TUNAR: variants seen among roughly 807,000 people sequenced by gnomAD.
The protein encoded by TUNAR is protein TUNAR.
chr14:95,884,218 T>C (rs865879962), intron 2 of TUNAR, among the ~76,000 whole-genome samples: 1 of 152,174 alleles, frequency 6.6e-6, no homozygotes, highest in African/African-American at 2.4e-5. Flanking sequence ...AGAGCTTCAG[T>C]GCCCCCTGTG....
intron 2 of TUNAR, among the ~76,000 whole-genome samples, chr14:95,904,170 T>C (rs1187642200): frequency 6.6e-6 from 1 of 152,178 alleles, no homozygotes; most frequent in East Asian, 1.9e-4. Flanking sequence ...TTCTGCTAGG[T>C]CCCTCAGCAT....
intron 2 of TUNAR, among the ~76,000 whole-genome samples, chr14:95,903,168 T>C (rs1382254384): frequency 6.6e-6 from 1 of 152,186 alleles, no homozygotes; most frequent in South Asian, 2.1e-4. Context: ...TCTCACACCC[T>C]GAGGAAAGGG....
chr14:95,922,532 C>G (rs1410443145), intron 2 of TUNAR, among the ~76,000 whole-genome samples: 5 of 152,156 alleles, frequency 3.3e-5, no homozygotes, highest in Non-Finnish European at 5.9e-5. Context: ...TGGGTGATGC[C>G]CGGGTAGACT....
chr14:95,888,912 G>T (rs984974594), intron 2 of TUNAR, among the ~76,000 whole-genome samples: 1 of 152,182 alleles, frequency 6.6e-6, no homozygotes, highest in East Asian at 1.9e-4. Flanking sequence ...AAGGTAGACC[G>T]TTGCAAGGCA....
intron 2 of TUNAR, among the ~76,000 whole-genome samples, chr14:95,904,482 G>A (rs960618583): frequency 6.6e-6 from 1 of 152,202 alleles, no homozygotes; most frequent in South Asian, 2.1e-4. Context: ...CCAGGCAGGT[G>A]CAGGGCAGAC....
At chr14:95,909,782 G>A (rs1889484401) in intron 2 of TUNAR, among the ~76,000 whole-genome samples, 2 of 152,340 alleles carry the variant, frequency 1.3e-5, no homozygotes, top group Admixed American at 6.5e-5. Context: ...TTCCAAAGGA[G>A]CTCAGTTTAG....
intron 2 of TUNAR, among the ~76,000 whole-genome samples, chr14:95,898,675 G>A (rs536483679): frequency 1.3e-5 from 2 of 151,892 alleles, no homozygotes; most frequent in Non-Finnish European, 2.9e-5. Flanking sequence ...TAACCTCTGA[G>A]AGCTTTTTCT....
chr14:95,892,826 G>A (rs375702981), intron 2 of TUNAR, among the ~76,000 whole-genome samples: 71 of 152,266 alleles, frequency 4.7e-4, no homozygotes, highest in African/African-American at 1.6e-3. Flanking sequence ...TGAAATGCCC[G>A]CAGCTCTCAT....
exon 3 of TUNAR, chr14:95,924,377 A>C (rs573959641): frequency 6.6e-6 from 1 of 152,258 alleles, no homozygotes; most frequent in East Asian, 1.9e-4. Context: ...GTTGCATAAA[A>C]ACAAATTAGC....
chr14:95,890,077 T>G (rs1189705161), intron 2 of TUNAR, among the ~76,000 whole-genome samples: 1 of 152,088 alleles, frequency 6.6e-6, no homozygotes, highest in Non-Finnish European at 1.5e-5. Context: ...ACAGGCGCAG[T>G]CACTGCACAC....
chr14:95,912,988 TCACCCTGTTAG>T (rs1439958212), intron 2 of TUNAR, among the ~76,000 whole-genome samples: 84 of 152,236 alleles, frequency 5.5e-4, no homozygotes, highest in African/African-American at 1.9e-3. Context: ...AGATGGGGTT[TCACCCTGTTAG>T]CCAGGACGGT....
intron 2 of TUNAR, among the ~76,000 whole-genome samples, chr14:95,908,849 T>A (rs987069241): frequency 6.6e-5 from 10 of 152,118 alleles, no homozygotes; most frequent in African/African-American, 1.9e-4. Context: ...GGAACCCAAA[T>A]CCCTGGGTCC....
intron 2 of TUNAR, 130 bp downstream of exon 1, chr14:95,877,307 C>T (rs1258031665): frequency 6.6e-6 from 1 of 152,394 alleles, no homozygotes; most frequent in Admixed American, 6.5e-5. Context: ...TTGAATCGTT[C>T]AATTTCCCCT....
chr14:95,923,465 T>A (rs76433196), exon 3 of TUNAR: 2 of 152,518 alleles, frequency 1.3e-5, no homozygotes, highest in African/African-American at 4.8e-5. Flanking sequence ...TATTTGATAC[T>A]GGGGAGATAA....
chr14:95,923,756 C>T (rs1889738381), exon 3 of TUNAR: 1 of 152,114 alleles, frequency 6.6e-6, no homozygotes. Context: ...CCTCTTTGGT[C>T]TGAAGGACAT....
chr14:95,892,419 T>C (rs1889194823), intron 2 of TUNAR, among the ~76,000 whole-genome samples: 1 of 152,230 alleles, frequency 6.6e-6, no homozygotes, highest in Non-Finnish European at 1.5e-5. Context: ...GCGAGCACAT[T>C]GTGTGTTCCG....
chr14:95,919,055 T>C (rs17093544), intron 2 of TUNAR, among the ~76,000 whole-genome samples: 2 of 152,184 alleles, frequency 1.3e-5, no homozygotes, highest in African/African-American at 4.8e-5. Context: ...ATTAGAGACA[T>C]GACTAGTGCT....
intron 2 of TUNAR, among the ~76,000 whole-genome samples, chr14:95,914,243 A>G (rs1889566166): frequency 6.6e-6 from 1 of 152,206 alleles, no homozygotes; most frequent in African/African-American, 2.4e-5. Flanking sequence ...GTGTAGGAAG[A>G]CAATCATCTA....
chr14:95,886,905 A>G (rs1337168125), intron 2 of TUNAR, among the ~76,000 whole-genome samples: 1 of 151,732 alleles, frequency 6.6e-6, no homozygotes, highest in African/African-American at 2.4e-5. Context: ...CCCTCTTGGA[A>G]CCCAGGCCCA....
Sources: allele counts gnomAD v4.1 joint callset (sites outside exome capture counted in the v4.1 genomes callset), GRCh38; gene constraint gnomAD v4.1.1; transcripts MANE v1.5; gene names NCBI Gene and HGNC (gene_info 2026-07-23, HGNC 2026-07-21).